The following PRH1 variants were observed in gnomAD, a reference collection of about 807,000 sequenced individuals.
The protein encoded by PRH1 is salivary acidic proline-rich phosphoprotein 1/2.
In PRH1, 7 loss-of-function variants were observed where a neutral mutation model predicts 7.9. That is an observed-to-expected ratio of 0.89 (90% CI 0.50 to 1.67). PRH1 has a LOEUF of 1.67. Among genes scored for constraint, PRH1 ranks in the 40% most tolerant of loss-of-function variants. The pLI, the probability that PRH1 is intolerant of heterozygous loss-of-function variation, is 0.00. For missense variants in PRH1, 109 were observed against 223.6 expected (o/e 0.49, Z 3.27); for synonymous variants, 45 against 80.8 (o/e 0.56, Z 2.38).
At chr12:11,004,899 A>G (rs1016697505) in intron 1 of PRH1, among the ~76,000 whole-genome samples, 1 of 152,190 alleles carries the variant, frequency 6.6e-6, no homozygotes, top group Non-Finnish European at 1.5e-5. Context: ...TATAAGTTTA[A>G]TAATAGCTGT....
At chr12:10,991,018 G>A (rs1041714336) in intron 1 of PRH1, among the ~76,000 whole-genome samples, 35 of 152,136 alleles carry the variant, frequency 2.3e-4, no homozygotes, top group African/African-American at 8.4e-4. Flanking sequence ...TTCTTGTTAC[G>A]ACATCCAAAT....
intron 1 of PRH1, among the ~76,000 whole-genome samples, chr12:11,130,854 G>T (rs527907941): frequency 6.6e-6 from 1 of 152,286 alleles, no homozygotes; most frequent in South Asian, 2.1e-4. Flanking sequence ...GTACAACTGT[G>T]CAAGTCATAT....
At position 11,093,184 on chromosome 12, in the gene PRH1, C is replaced by T. The variant is rs1944982883; in HGVS notation, n.124-45996G>A. On this transcript the variant is annotated intron_variant and non_coding_transcript_variant, in intron 1 of 4. Coordinates refer to the PRH1 transcript ENST00000541977. ...ATATCATCCAGTAAATGTCTAAATT[C>T]TCAAAGGGAGCTTGGTCATAACTAA... Among the ~76,000 whole-genome samples the T allele has an allele frequency of 1.7e-5, 2 of 115,774 alleles. 1 individual carries two copies. The highest frequency in any genetic ancestry group is 4.2e-4 in the East Asian group (2 of 4,760). The allele number at this position is 115,774 out of a possible 152,430, so 76.0% of individuals were successfully genotyped here.
chr12:10,986,390 T>G (rs1939627794), intron 1 of PRH1: 1 of 1,614,112 alleles, frequency 6.2e-7, no homozygotes, highest in Non-Finnish European at 8.5e-7. Flanking sequence ...TTCCTTCATA[T>G]TCTTCTGCCC....
chr12:11,121,849 A>C (rs1945915888), intron 1 of PRH1, among the ~76,000 whole-genome samples: 1 of 152,178 alleles, frequency 6.6e-6, no homozygotes, highest in African/African-American at 2.4e-5. Context: ...TTTACCATCC[A>C]AAAAATTAGA....
chr12:10,908,547 G>A (rs1949841332), intron 2 of PRH1: 1 of 1,613,824 alleles, frequency 6.2e-7, no homozygotes, highest in Non-Finnish European at 8.5e-7. Context: ...AGAAATCCAT[G>A]ATATGAGAAC....
chr12:11,099,696 C>T (rs1945176827), intron 1 of PRH1, among the ~76,000 whole-genome samples: 1 of 151,958 alleles, frequency 6.6e-6, no homozygotes, highest in African/African-American at 2.4e-5. Context: ...GACTCCATCT[C>T]AAAAAACAGA....
At chr12:11,139,021 C>T (rs1371933982) in intron 1 of PRH1, among the ~76,000 whole-genome samples, 1 of 152,162 alleles carries the variant, frequency 6.6e-6, no homozygotes, top group Non-Finnish European at 1.5e-5. Flanking sequence ...GCCTGGACAA[C>T]AGAGCAAGAC....
chr12:10,964,848 T>G, intron 2 of PRH1: 1 of 548,118 alleles, frequency 1.8e-6, no homozygotes, highest in South Asian at 1.8e-5. Flanking sequence ...GTCGGATCAC[T>G]CAATTTGATC....
intron 1 of PRH1, among the ~76,000 whole-genome samples, chr12:11,028,079 T>C: frequency 6.6e-6 from 1 of 152,192 alleles, no homozygotes; most frequent in East Asian, 1.9e-4. Context: ...CCAATTCCCC[T>C]GGCCAGCACC....
At chr12:10,894,775 T>G (rs1591654123) in intron 2 of PRH1, among the ~76,000 whole-genome samples, 2 of 152,268 alleles carry the variant, frequency 1.3e-5, no homozygotes, top group East Asian at 3.9e-4. Flanking sequence ...GCAAACAAGG[T>G]AGCAATCTGT....
At chr12:10,912,174 T>C (rs1297517735) in intron 2 of PRH1, among the ~76,000 whole-genome samples, 4 of 152,164 alleles carry the variant, frequency 2.6e-5, no homozygotes, top group African/African-American at 9.6e-5. Flanking sequence ...TTATCTAGTC[T>C]AGTGGAAACA....
chr12:11,025,934 T>C (rs927940344), intron 1 of PRH1, among the ~76,000 whole-genome samples: 5 of 152,306 alleles, frequency 3.3e-5, no homozygotes, highest in Non-Finnish European at 2.9e-5. Flanking sequence ...CTTAACACCA[T>C]GTTCTTTTTA....
rs1477785180 is a variant in PRH1 at position 11,067,313 on chromosome 12, C to A, written n.124-20125G>T. Among the ~76,000 whole-genome samples the A allele has an allele frequency of 2.0e-5, 3 of 152,138 alleles. No individual in the cohort carries two copies. The South Asian group carries it at 6.2e-4, about 31-fold the overall frequency. On this transcript the variant is annotated intron_variant and non_coding_transcript_variant, in intron 1 of 4. Transcript: ENST00000541977. ...AATTAGAATGCTAACAATATGAATACAAATATTTCATTTAGAGACACATTT... is the reference window on the plus strand; with the variant it reads ...AATTAGAATGCTAACAATATGAATAAAAATATTTCATTTAGAGACACATTT...
intron 2 of PRH1, among the ~76,000 whole-genome samples, chr12:10,918,282 G>C (rs1278354482): frequency 6.6e-6 from 1 of 152,086 alleles, no homozygotes; most frequent in Non-Finnish European, 1.5e-5. Context: ...TTAATATCTA[G>C]GTGATAGGTT....
chr12:11,013,144 C>T (rs1306748715), intron 1 of PRH1, among the ~76,000 whole-genome samples: 1 of 152,056 alleles, frequency 6.6e-6, no homozygotes, highest in Non-Finnish European at 1.5e-5. Context: ...GACCAGATCA[C>T]CAAAATAAAT....
intron 1 of PRH1, among the ~76,000 whole-genome samples, chr12:11,157,321 T>C (rs1385600705): frequency 6.6e-6 from 1 of 152,184 alleles, no homozygotes; most frequent in African/African-American, 2.4e-5. Flanking sequence ...AATACATCAA[T>C]CACAGCAACA....
chr12:10,909,511 A>G, intron 2 of PRH1: 1 of 482,836 alleles, frequency 2.1e-6, no homozygotes. Flanking sequence ...ATTTTTCTTC[A>G]ATTTCTCTGC....
At chr12:11,155,115 C>T (rs1181921672) in intron 1 of PRH1, among the ~76,000 whole-genome samples, 1 of 152,110 alleles carries the variant, frequency 6.6e-6, no homozygotes, top group Non-Finnish European at 1.5e-5. Flanking sequence ...ACAGTTCTGC[C>T]AATCCCAGGC....
Sources: gnomAD v4.1 joint callset for allele counts (sites outside exome capture counted in the v4.1 genomes callset) on GRCh38, gnomAD v4.1.1 for gene constraint, MANE v1.5 for transcripts, NCBI Gene and HGNC (gene_info 2026-07-23, HGNC 2026-07-21) for gene names.